LPP: variants seen among roughly 807,000 people sequenced by gnomAD.
LPP encodes the protein lipoma-preferred partner.
In LPP, 38 loss-of-function variants were observed where a neutral mutation model predicts 60.4. The observed-to-expected ratio is 0.63, with a 90% CI of 0.49 to 0.83. The LOEUF is 0.83. Among genes scored for constraint, LPP ranks in the 40% least tolerant of loss-of-function variants. The probability of loss-of-function intolerance (pLI) is 0.00; values close to 1 mark genes in which losing one functional copy is unlikely to be tolerated. For synonymous variants in LPP, 328 were observed against 290.8 expected, an observed-to-expected ratio of 1.13 and a Z score of -1.30; for missense variants, 902 against 783.6, an observed-to-expected ratio of 1.15 and a Z score of -1.80.
chr3:188,176,101 C>A (rs75846485), intron 1 of LPP, among the ~76,000 whole-genome samples: 7,920 of 152,086 alleles, frequency 0.052, 269 homozygotes, highest in South Asian at 0.12. Flanking sequence ...CTGGAAGGAT[C>A]ATAAAGGTCA....
intron 7 of LPP, among the ~76,000 whole-genome samples, chr3:188,642,438 A>G (rs1850335308): frequency 6.6e-6 from 1 of 152,232 alleles, no homozygotes; most frequent in Admixed American, 6.5e-5. Flanking sequence ...AGCCACACAC[A>G]GTGCCGGACT....
At chr3:188,738,408 A>T (rs769829703) in intron 8 of LPP, among the ~76,000 whole-genome samples, 2 of 152,208 alleles carry the variant, frequency 1.3e-5, no homozygotes, top group African/African-American at 4.8e-5. Flanking sequence ...CAGATAGGTT[A>T]TACAAACCTG....
chr3:188,537,555 T>C (rs767792251), intron 6 of LPP, among the ~76,000 whole-genome samples: 1 of 152,184 alleles, frequency 6.6e-6, no homozygotes, highest in Non-Finnish European at 1.5e-5. Flanking sequence ...ATTCACTGAT[T>C]ACTAATTGAA....
chr3:188,293,787 G>A (rs961822644), intron 2 of LPP, among the ~76,000 whole-genome samples: 3 of 152,046 alleles, frequency 2.0e-5, no homozygotes, highest in East Asian at 3.9e-4. Context: ...TTACAAGGCC[G>A]GGCACCATGG....
rs998819703 is a variant in LPP at position 188,726,001 on chromosome 3, A to C, written c.1240+17608A>C. Among the ~76,000 whole-genome samples, 15 of 152,210 alleles carry C rather than the reference A, an allele frequency of 9.9e-5. 1 individual carries two copies. Among genetic ancestry groups the C allele is most frequent in the Non-Finnish European group, 1.9e-4 (13 of 68,034 alleles). On this transcript the variant is annotated intron_variant, in intron 8 of 11. Coordinates refer to ENST00000617246, the MANE Select transcript of LPP (RefSeq NM_001375462.1). ...GAATATTGGAAGGAGAAATGAGACT[A>C]AATGAATGATTAGTGGCCAGATCAA...
chr3:188,305,047 T>G (rs1015340198), intron 2 of LPP, among the ~76,000 whole-genome samples: 1 of 152,202 alleles, frequency 6.6e-6, no homozygotes, highest in Non-Finnish European at 1.5e-5. Flanking sequence ...CAGGACTTTT[T>G]TGTTTATATC....
At chr3:188,176,321 AT>A (rs1218869191) in intron 1 of LPP, among the ~76,000 whole-genome samples, 3 of 152,120 alleles carry the variant, frequency 2.0e-5, no homozygotes, top group African/African-American at 4.8e-5. Context: ...TGTAAAAAAA[AT>A]AAATAAATAA....
intron 7 of LPP, among the ~76,000 whole-genome samples, chr3:188,694,538 A>G (rs902820892): frequency 7.9e-5 from 12 of 151,890 alleles, no homozygotes; most frequent in Non-Finnish European, 1.3e-4. Context: ...CCCCATCTCT[A>G]CTAAAAATAC....
chr3:188,489,087 A>G (rs1807536292), intron 5 of LPP, among the ~76,000 whole-genome samples: 1 of 152,208 alleles, frequency 6.6e-6, no homozygotes, highest in African/African-American at 2.4e-5. Flanking sequence ...AGAGAATTAG[A>G]GTTAATACAT....
intron 2 of LPP, among the ~76,000 whole-genome samples, chr3:188,241,265 T>C (rs546310893): frequency 6.6e-6 from 1 of 152,320 alleles, no homozygotes; most frequent in Non-Finnish European, 1.5e-5. Flanking sequence ...TGCCCTGAAG[T>C]ACATGCTGTA....
intron 1 of LPP, among the ~76,000 whole-genome samples, chr3:188,176,090 G>A (rs1722957857): frequency 6.6e-6 from 1 of 152,144 alleles, no homozygotes; most frequent in South Asian, 2.1e-4. Flanking sequence ...GAGTGATAGA[G>A]CTGGAAGGAT....
intron 2 of LPP, among the ~76,000 whole-genome samples, chr3:188,258,312 C>T (rs1204986189): frequency 6.6e-6 from 1 of 152,180 alleles, no homozygotes; most frequent in African/African-American, 2.4e-5. Flanking sequence ...ATTAAAATCA[C>T]TTGGGGAGGT....
chr3:188,863,262 AATTATTTAC>A (rs1765715690), intron 9 of LPP, among the ~76,000 whole-genome samples: 1 of 152,242 alleles, frequency 6.6e-6, no homozygotes, highest in Non-Finnish European at 1.5e-5. Context: ...CGAAGGAATA[AATTATTTAC>A]CCAATGTCAT....
chr3:188,512,361 C>T (rs1022254379), intron 5 of LPP, among the ~76,000 whole-genome samples: 3 of 152,008 alleles, frequency 2.0e-5, no homozygotes, highest in African/African-American at 4.8e-5. Flanking sequence ...AGTTCGAGAC[C>T]GGCCTGGCTA....
At chr3:188,541,427 AG>A (rs2150382391) in intron 6 of LPP, among the ~76,000 whole-genome samples, 1 of 152,236 alleles carries the variant, frequency 6.6e-6, no homozygotes, top group African/African-American at 2.4e-5. Flanking sequence ...CACACCCTTA[AG>A]GCTTGCCCTA....
At chr3:188,247,028 T>C (rs570756346) in intron 2 of LPP, 1 of 182,314 alleles carries the variant, frequency 5.5e-6, no homozygotes, top group African/African-American at 2.4e-5. Context: ...ACTCAGTCAG[T>C]ACTTAAAAGC....
chr3:188,447,177 G>A (rs957175740), intron 4 of LPP, among the ~76,000 whole-genome samples: 5 of 152,072 alleles, frequency 3.3e-5, no homozygotes, highest in Non-Finnish European at 7.4e-5. Context: ...CAAATGCCAG[G>A]GCTTCAACTT....
At chr3:188,765,707 A>AT (rs11373900) in intron 9 of LPP, among the ~76,000 whole-genome samples, 38,857 of 149,714 alleles carry the variant, frequency 0.26, 5,481 homozygotes, top group East Asian at 0.65. Context: ...TCAGCAACTA[A>AT]TTTTTTTTTT....
rs1257085181 is a variant in LPP at position 188,368,719 on chromosome 3, C to CACAGAGAG, written c.-10+27001_-10+27002insCAGAGAGA. On this transcript the variant is annotated intron_variant, in intron 3 of 11. Coordinates refer to ENST00000617246, the MANE Select transcript of LPP (RefSeq NM_001375462.1). ...ACACACACACACACACACACACACA[C>CACAGAGAG]AGAGAGAGAGAGAGAGAGAGAGAGA... 7.0e-5 allele frequency among the ~76,000 whole-genome samples: 7 copies of CACAGAGAG among 99,650 alleles called. No homozygotes were observed. The South Asian group carries it at 1.7e-3, about 24-fold the overall frequency. 65.4% of individuals were successfully genotyped at this position (99,650 alleles called of 152,430 possible).
Sources: gnomAD v4.1 joint callset for allele counts (sites outside exome capture counted in the v4.1 genomes callset) on GRCh38, gnomAD v4.1.1 for gene constraint, MANE v1.5 for transcripts, NCBI Gene and HGNC (gene_info 2026-07-23, HGNC 2026-07-21) for gene names.